The following NIPBL variants were observed in gnomAD, a reference collection of about 807,000 sequenced individuals.
NIPBL encodes NIPBL cohesin loading factor, also known as nipped-B-like protein.
NIPBL carries 19 observed loss-of-function variants against 321.8 expected under a neutral mutation model. That is an observed-to-expected ratio of 0.06 (90% CI 0.04 to 0.09). The LOEUF (loss-of-function observed/expected upper bound fraction) is 0.09. Among genes scored for constraint, NIPBL ranks in the 10% least tolerant of loss-of-function variants. The probability of loss-of-function intolerance (pLI) is 1.00; values close to 1 mark genes in which losing one functional copy is unlikely to be tolerated. For missense variants in NIPBL, 2,210 were observed against 3,327.0 expected, an observed-to-expected ratio of 0.66 and a Z score of 8.26; for synonymous variants, 1,106 against 1,114.1, an observed-to-expected ratio of 0.99 and a Z score of 0.14.
At chr5:36,884,537 A>T (rs1030721928) in intron 1 of NIPBL, among the ~76,000 whole-genome samples, 2 of 152,130 alleles carry the variant, frequency 1.3e-5, no homozygotes, top group African/African-American at 4.8e-5. Context: ...ACAGTTTTTT[A>T]CTTGTATCTC....
In NIPBL at chr5:36,995,755, T is replaced by C; in HGVS notation, c.3255T>C (p.Tyr1085=). Residue 1085 remains tyrosine, a synonymous_variant, in exon 11 of 47, where the codon TAT becomes TAC. Transcript: ENST00000282516. ...KRSTVNEKPK[Y]AEISSDEDND... is the part of the protein sequence containing the mutation. The stretch of plus-strand genomic sequence containing the variant: ...GCACAGTTAATGAAAAGCCAAAATA[T>C]GCTGAAATCAGTTCAGATGAAGATA... The C allele has an allele frequency of 6.2e-7, 1 of 1,613,846 alleles. No homozygotes were observed. The highest frequency in any genetic ancestry group is 8.5e-7 in the Non-Finnish European group (1 of 1,179,812).
intron 34 of NIPBL, among the ~76,000 whole-genome samples, chr5:37,041,450 A>C (rs1205359452): frequency 2.0e-5 from 3 of 151,132 alleles, no homozygotes; most frequent in Non-Finnish European, 4.4e-5. Flanking sequence ...TTTTTAGTAG[A>C]GACGGGGTTT....
At chr5:37,048,904 GATT>G (rs1380231490) in intron 39 of NIPBL, among the ~76,000 whole-genome samples, 1 of 151,942 alleles carries the variant, frequency 6.6e-6, no homozygotes, top group Non-Finnish European at 1.5e-5. Context: ...GGAGGAAAGA[GATT>G]ATAGTTCTCA....
chr5:37,041,869 C>CT (rs1752423558), intron 34 of NIPBL, among the ~76,000 whole-genome samples: 1 of 131,488 alleles, frequency 7.6e-6, no homozygotes, highest in African/African-American at 3.3e-5. Flanking sequence ...CCAGCCACTA[C>CT]ATTTTTTTTT....
intron 29 of NIPBL, among the ~76,000 whole-genome samples, chr5:37,023,077 AC>A (rs1561173385): frequency 6.6e-6 from 1 of 152,220 alleles, no homozygotes; most frequent in Non-Finnish European, 1.5e-5. Context: ...ATTAAGTATT[AC>A]CTCAATGACA....
chr5:36,901,628 A>G (rs369866136), intron 1 of NIPBL, among the ~76,000 whole-genome samples: 24 of 149,152 alleles, frequency 1.6e-4, no homozygotes, highest in African/African-American at 4.2e-4. Context: ...TCCTGCCTCA[A>G]TCTCCCAAGT....
intron 4 of NIPBL, among the ~76,000 whole-genome samples, chr5:36,958,870 C>G (rs1056557577): frequency 1.3e-5 from 2 of 152,146 alleles, no homozygotes; most frequent in Non-Finnish European, 2.9e-5. Flanking sequence ...ATAGCTTGGA[C>G]AACTTCAGAA....
intron 7 of NIPBL, 170 bp from the exon 8 acceptor site, chr5:36,971,775 C>G: frequency 2.0e-6 from 2 of 976,212 alleles, no homozygotes; most frequent in Non-Finnish European, 2.4e-6. Context: ...GATACAATTT[C>G]AATTCTTCTA....
At chr5:36,921,101 G>A (rs138594537) in intron 1 of NIPBL, among the ~76,000 whole-genome samples, 15 of 150,422 alleles carry the variant, frequency 1.0e-4, no homozygotes, top group Non-Finnish European at 1.8e-4. Context: ...ATTTTTAAGC[G>A]TCTCCCCATT....
chr5:36,955,931 T>C (rs760151230), intron 3 of NIPBL, among the ~76,000 whole-genome samples: 1 of 151,918 alleles, frequency 6.6e-6, no homozygotes, highest in Non-Finnish European at 1.5e-5. Flanking sequence ...GTCATGAAAC[T>C]ATATCCCTGT....
chr5:37,018,434 G>A lies in NIPBL; in HGVS notation c.4921-877G>A, dbSNP rs928998769. The stretch of plus-strand genomic sequence containing the variant: ...TTGAAGCTGGCTTTTATATCATTTT[G>A]ATATATTCCCATCATAATTTGAGGG... On this transcript the variant is annotated intron_variant, in intron 24 of 46. Coordinates refer to ENST00000282516, the MANE Select transcript of NIPBL (RefSeq NM_133433.4). Among the ~76,000 whole-genome samples, 48 of 152,020 alleles carry A rather than the reference G, an allele frequency of 3.2e-4. 1 individual carries two copies. The highest frequency in any genetic ancestry group is 8.8e-5 in the Non-Finnish European group (6 of 68,002).
In NIPBL at chr5:36,911,665, A is replaced by G. The variant is rs545490896; in HGVS notation, c.-80+34487A>G. Among the ~76,000 whole-genome samples, 3 of 152,344 alleles carry G rather than the reference A, an allele frequency of 2.0e-5. No individual in the cohort carries two copies. In the South Asian group the frequency reaches 6.2e-4, roughly 32 times the overall value. ...CAGTACTTAATAGAACATCTTGCAC[A>G]TAATATAGAGGCTCAGCAAATATTT... On this transcript the variant is annotated intron_variant, in intron 1 of 46. Transcript: ENST00000282516.
At chr5:36,888,354 T>A (rs1455692932) in intron 1 of NIPBL, among the ~76,000 whole-genome samples, 2 of 152,172 alleles carry the variant, frequency 1.3e-5, no homozygotes, top group East Asian at 3.8e-4. Context: ...ACTCATTTTT[T>A]AACTCATTTT....
chr5:37,007,562 A>C (rs1370580033), intron 18 of NIPBL, 88 bp downstream of exon 18: 2 of 875,710 alleles, frequency 2.3e-6, no homozygotes, highest in Non-Finnish European at 1.8e-6. Flanking sequence ...TAAGACCAGC[A>C]CTATATTATC....
chr5:36,942,734 C>CAA lies in NIPBL; in HGVS notation c.-79-10868_-79-10867dup, dbSNP rs34936238. Among the ~76,000 whole-genome samples the CAA allele has an allele frequency of 3.5e-3, 327 of 94,404 alleles. 3 individuals carry two copies. The highest frequency in any genetic ancestry group is 0.012 in the African/African-American group (301 of 25,968). The allele number at this position is 94,404 out of a possible 152,430, so 61.9% of individuals were successfully genotyped here. ...TCAGCCTGGGTGACAGACTCTGTCT[C>CAA]AAAAAAAAAAAAAAAAATTATCCTC... On this transcript the variant is annotated intron_variant, in intron 1 of 46. Coordinates refer to ENST00000282516, the MANE Select transcript of NIPBL (RefSeq NM_133433.4).
chr5:36,903,816 A>G (rs1031860830), intron 1 of NIPBL, among the ~76,000 whole-genome samples: 18 of 152,180 alleles, frequency 1.2e-4, no homozygotes, highest in Non-Finnish European at 2.5e-4. Context: ...ACACCATCCA[A>G]AGATTGCCGC....
intron 11 of NIPBL, among the ~76,000 whole-genome samples, chr5:37,000,164 G>A (rs958409032): frequency 5.9e-5 from 9 of 152,120 alleles, no homozygotes; most frequent in Non-Finnish European, 1.2e-4. Flanking sequence ...CTGAGTTCAT[G>A]TAAAGATCTT....
chr5:36,955,772 A>G (rs766773829), intron 3 of NIPBL, 135 bp downstream of exon 3: 11 of 688,252 alleles, frequency 1.6e-5, no homozygotes, highest in Non-Finnish European at 2.8e-5. Context: ...TCCGAGGGAG[A>G]ATATAGTCTT....
chr5:36,994,714 C>T (rs957849165), intron 10 of NIPBL, among the ~76,000 whole-genome samples: 1 of 151,974 alleles, frequency 6.6e-6, no homozygotes, highest in Non-Finnish European at 1.5e-5. Context: ...ACAAATTATC[C>T]GAATAAGTAG....
Sources: allele counts gnomAD v4.1 joint callset (sites outside exome capture counted in the v4.1 genomes callset), GRCh38; gene constraint gnomAD v4.1.1; transcripts MANE v1.5; gene names NCBI Gene and HGNC (gene_info 2026-07-23, HGNC 2026-07-21).